AACS: variants seen among roughly 807,000 people sequenced by gnomAD.
AACS encodes acetoacetate-CoA ligase.
A neutral mutation model predicts 83.1 loss-of-function variants in AACS; 69 were observed. That is an observed-to-expected ratio of 0.83 (90% CI 0.68 to 1.01). The LOEUF (loss-of-function observed/expected upper bound fraction) is 1.01, where lower values mean the gene tolerates loss of function less well. AACS is among the 50% of genes least tolerant of loss of function. The pLI is 0.00. For synonymous variants in AACS, 333 were observed against 343.4 expected (o/e 0.97, Z 0.33); for missense variants, 866 against 882.2 (o/e 0.98, Z 0.23).
At chr12:125,083,408 C>T (rs1956249250) in intron 3 of AACS, among the ~76,000 whole-genome samples, 1 of 150,058 alleles carries the variant, frequency 6.7e-6, no homozygotes, top group Admixed American at 6.8e-5. Context: ...GGTGTGAATA[C>T]CAGCGGGCAG....
chr12:125,078,518 C>A (rs1956086351), intron 3 of AACS: 3 of 365,668 alleles, frequency 8.2e-6, no homozygotes, highest in Admixed American at 3.5e-5. Flanking sequence ...TTCCTCAGAT[C>A]TGTATTAAAT....
intron 12 of AACS, 52 bp from the exon 13 acceptor site, chr12:125,128,109 C>T (rs1049157198): frequency 1.4e-6 from 2 of 1,402,372 alleles, no homozygotes; most frequent in Non-Finnish European, 2.0e-6. Context: ...TAATTTAACA[C>T]AATTTGTCTT....
intron 3 of AACS, among the ~76,000 whole-genome samples, chr12:125,079,108 C>T (rs80100269): frequency 0.19 from 28,389 of 151,950 alleles, 3,036 homozygotes; most frequent in African/African-American, 0.3. Context: ...CGCACCTCTG[C>T]GGAAGTCATG....
In AACS at chr12:125,065,697, C is replaced by G; in HGVS notation, c.113C>G (p.Ala38Gly). The change falls in exon 1 of 18, where the codon GCC becomes GGC. Residue 38 changes from alanine to glycine, a missense_variant. Ala to Gly is a moderately conservative substitution (Grantham distance 60). Transcript: ENST00000316519. ...GACCGCTTCCGGGCGGCTGTGGGCG[C>G]CGCCTGCGGCCTGGCGCTGGGTGAG... is the stretch of plus-strand genomic sequence containing the variant. ...QMDRFRAAVGAACGLALESYD... is the reference protein window; with the variant it reads ...QMDRFRAAVGGACGLALESYD... 1 of 1,539,784 alleles carries G rather than the reference C, an allele frequency of 6.5e-7. No individual in the cohort carries two copies. The highest frequency in any genetic ancestry group is 2.0e-5 in the Admixed American group (1 of 49,810).
chr12:125,091,286 G>A, intron 4 of AACS, 140 bp from the exon 5 acceptor site: 1 of 748,986 alleles, frequency 1.3e-6, no homozygotes, highest in Non-Finnish European at 2.3e-6. Flanking sequence ...ATCTGGGCGG[G>A]GGCTGGTGGT....
intron 3 of AACS, chr12:125,078,268 TG>T: frequency 2.2e-6 from 1 of 456,020 alleles, no homozygotes; most frequent in Non-Finnish European, 4.4e-6. Flanking sequence ...CTTCCGGGGC[TG>T]GGGCCCAGGC....
intron 8 of AACS, among the ~76,000 whole-genome samples, chr12:125,111,989 G>A (rs958544836): frequency 6.6e-6 from 1 of 152,232 alleles, no homozygotes; most frequent in African/African-American, 2.4e-5. Flanking sequence ...TATCTCTGCT[G>A]TGCTCTCAGC....
intron 5 of AACS, 51 bp downstream of exon 5, chr12:125,091,574 T>C (rs1381275037): frequency 1.3e-6 from 2 of 1,569,446 alleles, no homozygotes; most frequent in Admixed American, 3.3e-5. Flanking sequence ...GTGAGCATCC[T>C]GGGCAGGGGC....
chr12:125,107,829 G>A (rs1315085557), intron 8 of AACS, among the ~76,000 whole-genome samples: 2 of 152,106 alleles, frequency 1.3e-5, no homozygotes, highest in Non-Finnish European at 2.9e-5. Context: ...TGGACGTGGT[G>A]GCACATGCCT....
At chr12:125,099,858 T>G (rs1267776523) in intron 5 of AACS, among the ~76,000 whole-genome samples, 1 of 152,094 alleles carries the variant, frequency 6.6e-6, no homozygotes, top group African/African-American at 2.4e-5. Context: ...CTATTTTTAG[T>G]AGAGATGGGG....
chr12:125,088,522 T>C (rs1956391621), intron 4 of AACS, among the ~76,000 whole-genome samples: 1 of 152,168 alleles, frequency 6.6e-6, no homozygotes, highest in Non-Finnish European at 1.5e-5. Flanking sequence ...CATGAGCCAC[T>C]GCGTCTAGTC....
intron 17 of AACS, 55 bp downstream of exon 17, chr12:125,136,919 A>G: frequency 8.9e-6 from 14 of 1,569,258 alleles, no homozygotes; most frequent in Non-Finnish European, 1.2e-5. Context: ...ACGAGCCCAC[A>G]CATTGAGGGG....
At chr12:125,141,500 CAT>C (rs151184624) in intron 17 of AACS, 7,025 of 152,642 alleles carry the variant, frequency 0.046, 292 homozygotes, top group East Asian at 0.19. Context: ...TCCTGGCTAA[CAT>C]GAGACCATCC....
In AACS at chr12:125,076,634, G is replaced by C. The variant is rs751714367; in HGVS notation, c.358+23G>C. ...CAAGTAAGTCCTGATGGCGAGACCT[G>C]GGATTTCCTCCGTGGAAGTTCTAGA... On this transcript the variant is annotated intron_variant, in intron 3 of 17. Coordinates refer to ENST00000316519, the MANE Select transcript of AACS (RefSeq NM_023928.5). The C allele has an allele frequency of 1.9e-6, 3 of 1,613,338 alleles. No individual in the cohort carries two copies. In the South Asian group the frequency reaches 3.3e-5, roughly 18 times the overall value.
Position 125,091,383 on chromosome 12 carries a change from A to C in AACS, c.473-43A>C, listed in dbSNP as rs180888405. On this transcript the variant is annotated intron_variant, in intron 4 of 17. Coordinates refer to ENST00000316519, the MANE Select transcript of AACS (RefSeq NM_023928.5). ...ACCTTTTGGACATCTGCTACCTCCC[A>C]TACACCCTGAACCCAAGGCTTCTTC... is the stretch of plus-strand genomic sequence containing the variant. The C allele has an allele frequency of 2.8e-4, 453 of 1,603,134 alleles. 1 individual carries two copies. The African/African-American group carries it at 5.1e-3, about 18-fold the overall frequency.
chr12:125,071,496 A>G (rs1955860960), intron 1 of AACS, among the ~76,000 whole-genome samples: 1 of 152,176 alleles, frequency 6.6e-6, no homozygotes, highest in Non-Finnish European at 1.5e-5. Context: ...AATTTGCATG[A>G]TCCCTGCACA....
chr12:125,066,904 C>A (rs927861680), intron 1 of AACS, among the ~76,000 whole-genome samples: 1 of 152,164 alleles, frequency 6.6e-6, no homozygotes, highest in African/African-American at 2.4e-5. Context: ...TGCCACAGCC[C>A]CATGTCGCTC....
intron 9 of AACS, among the ~76,000 whole-genome samples, chr12:125,116,334 C>A (rs7484310): frequency 6.6e-5 from 10 of 152,138 alleles, no homozygotes; most frequent in Non-Finnish European, 1.2e-4. Flanking sequence ...GGAAAGAACT[C>A]AAAAATTTGG....
intron 8 of AACS, among the ~76,000 whole-genome samples, chr12:125,112,720 A>C (rs1956980879): frequency 6.7e-6 from 1 of 150,256 alleles, no homozygotes; most frequent in South Asian, 2.1e-4. Flanking sequence ...AATTTATAAG[A>C]GAAAGGTTTA....
Sources: allele counts gnomAD v4.1 joint callset (sites outside exome capture counted in the v4.1 genomes callset), GRCh38; gene constraint gnomAD v4.1.1; transcripts MANE v1.5; gene names NCBI Gene and HGNC (gene_info 2026-07-23, HGNC 2026-07-21).